The following ROBO1 variants were observed in gnomAD, a reference collection of about 807,000 sequenced individuals.
The protein encoded by ROBO1 is roundabout homolog 1.
In ROBO1, 149 loss-of-function variants were observed where a neutral mutation model predicts 195.9. The ratio of observed to expected loss-of-function variants is 0.76; its 90% CI spans 0.67 to 0.87. The LOEUF (loss-of-function observed/expected upper bound fraction) is 0.87, where lower values mean the gene tolerates loss of function less well. Ranked by LOEUF, ROBO1 falls within the 40% of genes least tolerant of loss-of-function variation. The pLI is 0.00. For synonymous variants in ROBO1, 816 were observed against 733.2 expected, an observed-to-expected ratio of 1.11 and a Z score of -1.82; for missense variants, 1,933 against 2,068.3, an observed-to-expected ratio of 0.93 and a Z score of 1.27.
In ROBO1 at chr3:78,663,499, C is replaced by T. The variant is rs575814453; in HGVS notation, c.1967-1385G>A. Among the ~76,000 whole-genome samples the T allele has an allele frequency of 1.8e-3, 274 of 152,272 alleles. 2 individuals are homozygous for T. Among genetic ancestry groups the T allele is most frequent in the African/African-American group, 6.2e-3 (259 of 41,552 alleles). On this transcript the variant is annotated intron_variant, in intron 14 of 30. Coordinates refer to ENST00000464233, the MANE Select transcript of ROBO1 (RefSeq NM_002941.4). ...TACCCACTGGTCTCAATTGCTCCTACGACTCAAGCTGTCACCCATCTCTAG... is the reference window on the plus strand; with the variant it reads ...TACCCACTGGTCTCAATTGCTCCTATGACTCAAGCTGTCACCCATCTCTAG...
chr3:79,490,287 C>CCTTA (rs1437441066), intron 2 of ROBO1, among the ~76,000 whole-genome samples: 1 of 152,180 alleles, frequency 6.6e-6, no homozygotes, highest in Non-Finnish European at 1.5e-5. Flanking sequence ...TTCAGTCAAA[C>CCTTA]CTTAGCCTTT....
Position 78,659,970 on chromosome 3 carries a change from T to C in ROBO1, c.2321-163A>G, listed in dbSNP as rs547701838. 11 of 425,846 alleles carry C rather than the reference T, an allele frequency of 2.6e-5. 1 individual carries two copies. In the South Asian group the frequency reaches 4.6e-4, roughly 18 times the overall value. The allele number at this position is 425,846 out of a possible 1,614,324, so 26.4% of individuals were successfully genotyped here. On this transcript the variant is annotated intron_variant, in intron 16 of 30. Transcript: ENST00000464233. Reference sequence around the variant, plus strand: ...GAGGCTCGCTCTGTCATCTAGGCTGTAGTGCTGTGACATGATCTCGGCTCA... The same window carrying C: ...GAGGCTCGCTCTGTCATCTAGGCTGCAGTGCTGTGACATGATCTCGGCTCA...
chr3:79,066,563 T>G (rs2079005788), intron 3 of ROBO1, among the ~76,000 whole-genome samples: 1 of 151,934 alleles, frequency 6.6e-6, no homozygotes, highest in African/African-American at 2.4e-5. Context: ...ATAACAAAAC[T>G]GCCAGAGTAA....
chr3:78,842,615 G>A lies in ROBO1; in HGVS notation c.500-95715C>T, dbSNP rs551719990. Among the ~76,000 whole-genome samples the A allele has an allele frequency of 7.5e-5, 11 of 146,768 alleles. 2 individuals carry two copies. Among genetic ancestry groups the A allele is most frequent in the Admixed American group, 2.8e-4 (4 of 14,414 alleles). On this transcript the variant is annotated intron_variant, in intron 4 of 30. Transcript: ENST00000464233. ...AGCCATATATATATTTTTATATATG[G>A]CACCTAAGCACACGAAATAATACTC...
intron 4 of ROBO1, among the ~76,000 whole-genome samples, chr3:78,804,867 C>G (rs959319003): frequency 3.3e-5 from 5 of 151,906 alleles, no homozygotes; most frequent in Non-Finnish European, 7.4e-5. Context: ...GTTCCAGTGT[C>G]TATTGGTTGG....
intron 4 of ROBO1, among the ~76,000 whole-genome samples, chr3:78,822,712 A>G (rs1361455996): frequency 6.6e-6 from 1 of 152,240 alleles, no homozygotes; most frequent in Non-Finnish European, 1.5e-5. Flanking sequence ...GGTCCAACTT[A>G]ATGTCTAGCC....
chr3:79,037,592 T>C (rs2078403623), intron 3 of ROBO1, among the ~76,000 whole-genome samples: 1 of 152,320 alleles, frequency 6.6e-6, no homozygotes, highest in African/African-American at 2.4e-5. Flanking sequence ...ATGTTTACCA[T>C]GAAAATTGTT....
At chr3:79,005,015 A>G (rs1246512136) in intron 3 of ROBO1, among the ~76,000 whole-genome samples, 5 of 152,192 alleles carry the variant, frequency 3.3e-5, no homozygotes, top group Admixed American at 1.3e-4. Flanking sequence ...TCATCTATAG[A>G]AACAATTTCC....
At chr3:79,554,356 T>C (rs1942626601) in intron 2 of ROBO1, among the ~76,000 whole-genome samples, 1 of 151,982 alleles carries the variant, frequency 6.6e-6, no homozygotes, top group African/African-American at 2.4e-5. Flanking sequence ...TTAAGTATCA[T>C]AAGCAAAGCA....
intron 3 of ROBO1, among the ~76,000 whole-genome samples, chr3:78,949,743 A>T (rs908116870): frequency 6.6e-6 from 1 of 152,132 alleles, no homozygotes; most frequent in African/African-American, 2.4e-5. Context: ...AATGGGAGAA[A>T]ATTTTCGCAA....
chr3:79,024,318 AG>A (rs1444882421), intron 3 of ROBO1, among the ~76,000 whole-genome samples: 1 of 152,146 alleles, frequency 6.6e-6, no homozygotes, highest in East Asian at 1.9e-4. Context: ...TAATGTGAAG[AG>A]GGGGTGAGCT....
intron 8 of ROBO1, among the ~76,000 whole-genome samples, chr3:78,695,673 C>T (rs1004930136): frequency 2.6e-5 from 4 of 151,050 alleles, no homozygotes; most frequent in African/African-American, 4.9e-5. Flanking sequence ...ATTTTATAGC[C>T]TATTAAGGAT....
chr3:79,687,732 G>C (rs909452532), intron 1 of ROBO1, among the ~76,000 whole-genome samples: 1 of 152,176 alleles, frequency 6.6e-6, no homozygotes, highest in African/African-American at 2.4e-5. Context: ...AGGTGCTGGA[G>C]AGGATGTGGA....
At chr3:79,620,677 C>T (rs763621935) in intron 1 of ROBO1, among the ~76,000 whole-genome samples, 1 of 152,056 alleles carries the variant, frequency 6.6e-6, no homozygotes, top group Admixed American at 6.5e-5. Flanking sequence ...ACATCCTCCC[C>T]TTGTGTCTCC....
chr3:79,213,824 T>C (rs1030304367), intron 2 of ROBO1, among the ~76,000 whole-genome samples: 7 of 143,770 alleles, frequency 4.9e-5, no homozygotes, highest in East Asian at 2.0e-4. Flanking sequence ...TTCTTTTTTT[T>C]TTTTTTTTTT....
chr3:79,549,720 G>A (rs1942406344), intron 2 of ROBO1, among the ~76,000 whole-genome samples: 1 of 152,048 alleles, frequency 6.6e-6, no homozygotes, highest in African/African-American at 2.4e-5. Flanking sequence ...GGTATCCAAA[G>A]GACATCCTGG....
At chr3:79,747,201 T>C (rs967442473) in intron 1 of ROBO1, among the ~76,000 whole-genome samples, 1 of 152,074 alleles carries the variant, frequency 6.6e-6, no homozygotes, top group Non-Finnish European at 1.5e-5. Context: ...GAAAATGCAA[T>C]GCACTCAGGG....
chr3:78,743,521 C>T (rs1429102240), intron 5 of ROBO1, among the ~76,000 whole-genome samples: 3 of 152,132 alleles, frequency 2.0e-5, no homozygotes, highest in South Asian at 2.1e-4. Flanking sequence ...TGCAATCATT[C>T]CCTTGGTGAT....
chr3:78,939,934 AC>A (rs2040043736), intron 3 of ROBO1, among the ~76,000 whole-genome samples: 1 of 152,124 alleles, frequency 6.6e-6, no homozygotes, highest in South Asian at 2.1e-4. Flanking sequence ...TGTCTATGTC[AC>A]TTAAATATTT....
Sources: allele counts gnomAD v4.1 joint callset (sites outside exome capture counted in the v4.1 genomes callset), GRCh38; gene constraint gnomAD v4.1.1; transcripts MANE v1.5; gene names NCBI Gene and HGNC (gene_info 2026-07-23, HGNC 2026-07-21).